The following TAF4 variants were observed in gnomAD, a reference collection of about 807,000 sequenced individuals.
The protein encoded by TAF4 is TATA-box binding protein associated factor 4.
Under a neutral mutation model 90.3 loss-of-function variants are expected in TAF4, and 9 were observed. That is an observed-to-expected ratio of 0.10 (90% CI 0.06 to 0.17). The LOEUF is 0.17. Among genes scored for constraint, TAF4 ranks in the 10% least tolerant of loss-of-function variants. The pLI is 1.00. For missense variants in TAF4, 1,351 were observed against 1,370.7 expected (o/e 0.99, Z 0.23); for synonymous variants, 818 against 638.9 (o/e 1.28, Z -4.23).
At position 62,047,086 on chromosome 20, in the gene TAF4, C is replaced by G. The variant is rs746468148; in HGVS notation, c.1360+17365G>C. On this transcript the variant is annotated intron_variant, in intron 1 of 14. Coordinates refer to ENST00000252996, the MANE Select transcript of TAF4 (RefSeq NM_003185.4). ...GAAGTCCTATGTATCGACTTTCTGC[C>G]CTATTAGTTCATGCTACTTGTATCC... is the stretch of plus-strand genomic sequence containing the variant. Among the ~76,000 whole-genome samples, 210 of 152,112 alleles carry G rather than the reference C, an allele frequency of 1.4e-3. 3 individuals are homozygous for G. The highest frequency in any genetic ancestry group is 4.6e-4 in the Non-Finnish European group (31 of 68,024).
chr20:62,017,605 C>A (rs1308872749), intron 1 of TAF4, among the ~76,000 whole-genome samples: 2 of 152,180 alleles, frequency 1.3e-5, no homozygotes, highest in African/African-American at 4.8e-5. Flanking sequence ...TGAGATCGTG[C>A]CGCTGCACTC....
intron 1 of TAF4, among the ~76,000 whole-genome samples, chr20:62,043,187 C>T (rs1299967849): frequency 6.6e-6 from 1 of 152,046 alleles, no homozygotes; most frequent in African/African-American, 2.4e-5. Context: ...ATGGTGGCCA[C>T]GCCTGCCTGT....
intron 1 of TAF4, among the ~76,000 whole-genome samples, chr20:62,015,469 A>G (rs1475463210): frequency 6.6e-6 from 1 of 152,234 alleles, no homozygotes; most frequent in Non-Finnish European, 1.5e-5. Flanking sequence ...TTCCCATGAC[A>G]GAGGTGGGGA....
chr20:61,983,942 C>G (rs2055566189), intron 14 of TAF4, among the ~76,000 whole-genome samples: 1 of 152,158 alleles, frequency 6.6e-6, no homozygotes, highest in Non-Finnish European at 1.5e-5. Flanking sequence ...CAGATACTTT[C>G]TAATGCAAAA....
At chr20:62,038,946 G>T (rs969688767) in intron 1 of TAF4, among the ~76,000 whole-genome samples, 2 of 152,198 alleles carry the variant, frequency 1.3e-5, no homozygotes, top group African/African-American at 4.8e-5. Context: ...CCAGCTACTC[G>T]GGAGGCTGAG....
At chr20:61,999,729 T>C (rs2055686826) in intron 11 of TAF4, among the ~76,000 whole-genome samples, 1 of 152,202 alleles carries the variant, frequency 6.6e-6, no homozygotes, top group Non-Finnish European at 1.5e-5. Flanking sequence ...GAGGATCACT[T>C]GAGGCAAGGA....
intron 1 of TAF4, among the ~76,000 whole-genome samples, chr20:62,046,978 T>C (rs1212997138): frequency 6.6e-6 from 1 of 152,216 alleles, no homozygotes; most frequent in Non-Finnish European, 1.5e-5. Context: ...TTGTTAGATA[T>C]AAATATTTTC....
intron 1 of TAF4, among the ~76,000 whole-genome samples, chr20:62,053,801 C>T (rs959453958): frequency 7.9e-5 from 12 of 152,242 alleles, no homozygotes; most frequent in African/African-American, 2.9e-4. Context: ...CAGACAGACA[C>T]AGACAATGAC....
intron 14 of TAF4, among the ~76,000 whole-genome samples, chr20:61,994,456 G>A (rs2055651336): frequency 6.6e-6 from 1 of 152,220 alleles, no homozygotes; most frequent in African/African-American, 2.4e-5. Flanking sequence ...ATAAAGACAA[G>A]ATCTTTATTT....
At chr20:61,990,263 G>A (rs1600829727) in intron 14 of TAF4, among the ~76,000 whole-genome samples, 1 of 152,186 alleles carries the variant, frequency 6.6e-6, no homozygotes, top group South Asian at 2.1e-4. Context: ...ACAGCGTGAT[G>A]CTCATACACC....
chr20:62,037,059 A>G (rs2055936424), intron 1 of TAF4, among the ~76,000 whole-genome samples: 1 of 152,204 alleles, frequency 6.6e-6, no homozygotes, highest in Non-Finnish European at 1.5e-5. Context: ...GAAGCCTCCC[A>G]GTCTATGGTA....
intron 6 of TAF4, chr20:62,007,003 T>C (rs1303943171): frequency 2.3e-6 from 1 of 434,104 alleles, no homozygotes; most frequent in African/African-American, 2.0e-5. Context: ...AAGAGACATA[T>C]TTTTAAAAAA....
intron 1 of TAF4, among the ~76,000 whole-genome samples, chr20:62,021,324 G>A (rs531047894): frequency 6.6e-6 from 1 of 152,338 alleles, no homozygotes. Flanking sequence ...GGAAACAAGG[G>A]GACTCTCAAG....
intron 1 of TAF4, among the ~76,000 whole-genome samples, chr20:62,047,349 C>A (rs1293360177): frequency 6.6e-6 from 1 of 152,136 alleles, no homozygotes; most frequent in African/African-American, 2.4e-5. Context: ...CACTGACCTT[C>A]TAGAAACATT....
At chr20:61,998,246 AT>A in intron 12 of TAF4, 54 bp from the exon 13 acceptor site, 2 of 1,554,338 alleles carry the variant, frequency 1.3e-6, no homozygotes, top group Non-Finnish European at 1.8e-6. Flanking sequence ...AATGTTTATC[AT>A]TTAACAAATG....
chr20:62,012,652 G>A (rs990265150), intron 3 of TAF4, 163 bp downstream of exon 3: 3 of 994,530 alleles, frequency 3.0e-6, no homozygotes, highest in African/African-American at 1.7e-5. Context: ...CATGTTGGTG[G>A]TCAAAGAAAA....
chr20:62,065,219 A>C lies in TAF4; in HGVS notation c.592T>G (p.Leu198Val). ...KPAGPGAAQTLNGSAALLNSH... is the reference protein window; with the variant it reads ...KPAGPGAAQTVNGSAALLNSH... ...TTCAGCAGCGCGGCGCTCCCATTCA[A>C]AGTTTGCGCGGCGCCGGGGCCGGCG... The change falls in exon 1 of 15, where the codon TTG becomes GTG. Residue 198 changes from leucine to valine, a missense_variant. Physicochemically the swap from Leu to Val is conservative, Grantham distance 32. This residue lies in a region of TAF4 where 782 missense variants were observed against 536.6 expected (regional missense o/e 1.46). Coordinates refer to ENST00000252996, the MANE Select transcript of TAF4 (RefSeq NM_003185.4). 8.7e-7 allele frequency: 1 copy of C among 1,143,024 alleles called. No individual in the cohort carries two copies. Among genetic ancestry groups the C allele is most frequent in the African/African-American group, 1.9e-5 (1 of 53,322 alleles). 70.8% of individuals were successfully genotyped at this position (1,143,024 alleles called of 1,614,324 possible).
intron 1 of TAF4, among the ~76,000 whole-genome samples, chr20:62,056,218 T>C (rs2056062869): frequency 1.3e-5 from 2 of 151,816 alleles, no homozygotes; most frequent in Admixed American, 6.6e-5. Context: ...GCCTGGGTGA[T>C]GGAGTGAGAC....
intron 1 of TAF4, among the ~76,000 whole-genome samples, chr20:62,053,373 T>C (rs6061990): frequency 6.6e-5 from 10 of 152,066 alleles, no homozygotes; most frequent in African/African-American, 1.9e-4. Flanking sequence ...TGTGACGAGC[T>C]CCCGGCCCAG....
Sources: gnomAD v4.1 joint callset for allele counts (sites outside exome capture counted in the v4.1 genomes callset) on GRCh38, gnomAD v4.1.1 for gene constraint, gnomAD v4.1.1 regional missense constraint, MANE v1.5 for transcripts, NCBI Gene and HGNC (gene_info 2026-07-23, HGNC 2026-07-21) for gene names.